The following C4BPA variants were observed in gnomAD, a reference collection of about 807,000 sequenced individuals.
The protein encoded by C4BPA is complement component 4 binding protein alpha.
Under a neutral mutation model 63.7 loss-of-function variants are expected in C4BPA, and 31 were observed. The ratio of observed to expected loss-of-function variants is 0.49; its 90% CI spans 0.37 to 0.66. The LOEUF is 0.66. C4BPA is among the 30% of genes least tolerant of loss of function. The pLI, the probability that C4BPA is intolerant of heterozygous loss-of-function variation, is 0.00. For missense variants in C4BPA, 572 were observed against 723.3 expected, an observed-to-expected ratio of 0.79 and a Z score of 2.40; for synonymous variants, 259 against 254.7, an observed-to-expected ratio of 1.02 and a Z score of -0.16.
intron 4 of C4BPA, among the ~76,000 whole-genome samples, chr1:207,118,129 ATCTATCTG>A (rs1302375253): frequency 1.3e-5 from 1 of 78,058 alleles, no homozygotes; most frequent in African/African-American, 4.4e-5. Context: ...TCTATCTATC[ATCTATCTG>A]TCTGTCTGTC....
intron 8 of C4BPA, 66 bp downstream of exon 8, chr1:207,131,806 T>C: frequency 9.6e-7 from 1 of 1,038,404 alleles, no homozygotes; most frequent in Non-Finnish European, 1.4e-6. Flanking sequence ...TTCTCTACCT[T>C]AAATGAATAT....
chr1:207,137,540 A>C (rs1028427085), intron 9 of C4BPA, among the ~76,000 whole-genome samples: 2 of 152,210 alleles, frequency 1.3e-5, no homozygotes, highest in Non-Finnish European at 2.9e-5. Context: ...TGGTTGAATT[A>C]TTATCAGAAG....
At chr1:207,129,377 A>G (rs907282125) in intron 7 of C4BPA, among the ~76,000 whole-genome samples, 3 of 149,898 alleles carry the variant, frequency 2.0e-5, no homozygotes, top group African/African-American at 7.4e-5. Context: ...AAACCTATAC[A>G]AAGGAAAAAT....
rs530004961 is a variant in C4BPA at position 207,138,655 on chromosome 1, A to C, written c.1274-2451A>C. Among the ~76,000 whole-genome samples, 30 of 152,308 alleles carry C rather than the reference A, an allele frequency of 2.0e-4. 1 individual carries two copies. Among genetic ancestry groups the C allele is most frequent in the African/African-American group, 6.5e-4 (27 of 41,562 alleles). The stretch of plus-strand genomic sequence containing the variant: ...TCACTGCAGACTAGACCTGCTGTTA[A>C]GCACTTTCCTAACATGGGCCCCGCT... On this transcript the variant is annotated intron_variant, in intron 9 of 11. Transcript: ENST00000367070.
At chr1:207,132,870 A>T (rs929292798) in intron 8 of C4BPA, among the ~76,000 whole-genome samples, 1 of 152,086 alleles carries the variant, frequency 6.6e-6, no homozygotes, top group African/African-American at 2.4e-5. Flanking sequence ...CAAATAATTT[A>T]AAAAATTAGC....
intron 9 of C4BPA, among the ~76,000 whole-genome samples, chr1:207,137,589 ATGTTTTGTTTTGTTTTGTTTTGTTT>A (rs76261944): frequency 2.0e-5 from 3 of 149,630 alleles, no homozygotes; most frequent in Non-Finnish European, 3.0e-5. Context: ...TTGTGGAGAT[ATGTTTTGTTTTGTTTTGTTTTGTTT>A]TGTTTTGTTT....
chr1:207,136,907 T>C (rs1201599861), intron 9 of C4BPA, among the ~76,000 whole-genome samples: 1 of 152,218 alleles, frequency 6.6e-6, no homozygotes, highest in African/African-American at 2.4e-5. Context: ...TGGACCTGAA[T>C]ACTAAACTTC....
chr1:207,132,658 C>T (rs1195369316), intron 8 of C4BPA, among the ~76,000 whole-genome samples: 1 of 152,148 alleles, frequency 6.6e-6, no homozygotes, highest in Non-Finnish European at 1.5e-5. Context: ...TAAAAATATA[C>T]TTAATAAAAC....
chr1:207,125,225 G>A (rs1685012861), intron 6 of C4BPA, among the ~76,000 whole-genome samples: 1 of 152,232 alleles, frequency 6.6e-6, no homozygotes, highest in Non-Finnish European at 1.5e-5. Context: ...ATAGCTGAGG[G>A]CAGAAAAGTG....
chr1:207,124,414 T>A (rs1012455577), intron 6 of C4BPA, 48 bp downstream of exon 6: 12 of 1,418,694 alleles, frequency 8.5e-6, no homozygotes, highest in Non-Finnish European at 1.1e-5. Flanking sequence ...CTCTCTTTTG[T>A]TTAAAAGAGA....
intron 4 of C4BPA, among the ~76,000 whole-genome samples, chr1:207,117,275 C>G (rs1464466876): frequency 6.6e-6 from 1 of 152,090 alleles, no homozygotes; most frequent in Non-Finnish European, 1.5e-5. Context: ...CACAGGGAGA[C>G]CTTGTCTCTA....
intron 3 of C4BPA, chr1:207,114,873 A>G (rs796549687): frequency 9.8e-5 from 15 of 153,544 alleles, no homozygotes; most frequent in African/African-American, 3.6e-4. Context: ...GATCTATTGA[A>G]AATCAGATTC....
chr1:207,112,193 T>C (rs1215111824), intron 1 of C4BPA, among the ~76,000 whole-genome samples: 1 of 152,114 alleles, frequency 6.6e-6, no homozygotes, highest in Non-Finnish European at 1.5e-5. Context: ...ATTTTTCATA[T>C]ATATATATGT....
rs545870974 is a variant in C4BPA at position 207,140,910 on chromosome 1, C to T, written c.1274-196C>T. Among the ~76,000 whole-genome samples, 8 of 152,236 alleles carry T rather than the reference C, an allele frequency of 5.3e-5. No individual in the cohort carries two copies. In the South Asian group the frequency reaches 6.2e-4, roughly 12 times the overall value. On this transcript the variant is annotated intron_variant, in intron 9 of 11. Transcript: ENST00000367070. Reference sequence around the variant, plus strand: ...GAAGGAAAACCTAAGGGCTATATCTCGAGCCTTTCTATGGTTGCCCAGCTT... The same window carrying T: ...GAAGGAAAACCTAAGGGCTATATCTTGAGCCTTTCTATGGTTGCCCAGCTT...
intron 7 of C4BPA, among the ~76,000 whole-genome samples, chr1:207,130,022 T>C (rs1319766085): frequency 6.6e-6 from 1 of 152,196 alleles, no homozygotes; most frequent in Non-Finnish European, 1.5e-5. Context: ...GGCTTAATAA[T>C]GCAATTATAT....
intron 1 of C4BPA, among the ~76,000 whole-genome samples, chr1:207,110,935 C>A (rs1294448134): frequency 6.6e-6 from 1 of 152,082 alleles, no homozygotes; most frequent in Non-Finnish European, 1.5e-5. Flanking sequence ...TCTATTTTGC[C>A]ACCCCACTGG....
At chr1:207,108,271 T>A (rs1288547818) in intron 1 of C4BPA, among the ~76,000 whole-genome samples, 1 of 152,144 alleles carries the variant, frequency 6.6e-6, no homozygotes. Context: ...CTTATAACTT[T>A]CAGTAAACAG....
At chr1:207,134,792 A>C (rs1685244249) in intron 9 of C4BPA, among the ~76,000 whole-genome samples, 200 bp downstream of exon 9, 1 of 152,212 alleles carries the variant, frequency 6.6e-6, no homozygotes, top group South Asian at 2.1e-4. Context: ...TGAATCAGTG[A>C]AAATAGACAA....
intron 8 of C4BPA, among the ~76,000 whole-genome samples, chr1:207,133,649 G>A (rs1685213560): frequency 6.6e-6 from 1 of 152,114 alleles, no homozygotes; most frequent in African/African-American, 2.4e-5. Context: ...TGTAGTCCCA[G>A]CTACTCAGGA....
Sources: gnomAD v4.1 joint callset for allele counts (sites outside exome capture counted in the v4.1 genomes callset) on GRCh38, gnomAD v4.1.1 for gene constraint, MANE v1.5 for transcripts, NCBI Gene and HGNC (gene_info 2026-07-23, HGNC 2026-07-21) for gene names.